PSG3: variants seen among roughly 807,000 people sequenced by gnomAD.
PSG3 encodes pregnancy-specific beta-1-glycoprotein 3.
PSG3 carries 61 observed loss-of-function variants against 47.5 expected under a neutral mutation model. The ratio of observed to expected loss-of-function variants is 1.28; its 90% CI spans 1.05 to 1.59. The LOEUF is 1.59. Among genes scored for constraint, PSG3 ranks in the 40% most tolerant of loss-of-function variants. PSG3 has a pLI of 0.00. For missense variants in PSG3, 756 were observed against 524.0 expected, an observed-to-expected ratio of 1.44 and a Z score of -4.32; for synonymous variants, 263 against 198.4, an observed-to-expected ratio of 1.33 and a Z score of -2.74.
In PSG3 at chr19:42,721,837, G is replaced by T. The variant is rs1208935977; in HGVS notation, c.*294C>A. ...CAAAGAATCAGCACATTTTCAAATA[G>T]AAAATTATGAAAACATTGTTTTGAC... On this transcript the variant is annotated 3_prime_UTR_variant, in exon 7 of 7. Coordinates refer to ENST00000327495, the MANE Select transcript of PSG3 (RefSeq NM_021016.4). 3 of 412,242 alleles carry T rather than the reference G, an allele frequency of 7.3e-6. No individual in the cohort carries two copies. Among genetic ancestry groups the T allele is most frequent in the South Asian group, 1.4e-4 (1 of 7,252 alleles). The allele number at this position is 412,242 out of a possible 1,614,324, so 25.5% of individuals were successfully genotyped here. A position where few individuals can be genotyped will look rare whatever the true frequency, so the allele number is the denominator to read the frequency against.
Position 42,729,216 on chromosome 19 carries a change from T to C in PSG3, c.1150A>G (p.Ile384Val), listed in dbSNP as rs1363926114. ...TAGAGCCCGCTATGCTTTGTAGTAA[T>C]CTGGGGGATAAAGAGCTTTTGTCCT... ...LSGQKLFIPQ[I>V]TTKHSGLYAC... The change falls in exon 5 of 7, where the codon ATT becomes GTT. Residue 384 changes from isoleucine (I) to valine (V), a missense_variant. Physicochemically the swap from Ile to Val is conservative, Grantham distance 29. Coordinates refer to ENST00000327495, the MANE Select transcript of PSG3 (RefSeq NM_021016.4). 1.9e-6 allele frequency: 3 copies of C among 1,613,974 alleles called. No individual in the cohort carries two copies. The highest frequency in any genetic ancestry group is 3.3e-5 in the Admixed American group (2 of 60,024).
At chr19:42,722,922 T>C (rs1190224782) in intron 6 of PSG3, among the ~76,000 whole-genome samples, 1 of 152,246 alleles carries the variant, frequency 6.6e-6, no homozygotes, top group Admixed American at 6.5e-5. Flanking sequence ...TCCAGACCTT[T>C]AAACTGGAAC....
At chr19:42,728,293 T>C (rs1969407883) in intron 5 of PSG3, among the ~76,000 whole-genome samples, 1 of 152,230 alleles carries the variant, frequency 6.6e-6, no homozygotes, top group South Asian at 2.1e-4. Flanking sequence ...TTACCCTCTC[T>C]ATAATTACAC....
rs770025481 is a variant in PSG3 at position 42,730,025 on chromosome 19, G to T, written c.741C>A (p.Asn247Lys). 5 of 1,612,488 alleles carry T rather than the reference G, an allele frequency of 3.1e-6. No homozygotes were observed. Among genetic ancestry groups the T allele is most frequent in the Non-Finnish European group, 4.2e-6 (5 of 1,179,856 alleles). Residue 247 changes from asparagine to lysine, a missense_variant, in exon 4 of 7, where the codon AAC (asparagine) becomes AAA (lysine). Asn to Lys is a moderately conservative substitution (Grantham distance 94). Transcript: ENST00000327495. ...CCTTATTCTCCCTGGGGTTTAAGTT[G>T]TTGATGGTGATGTAGGGCTTGGGCA... The part of the protein sequence containing the change: ...PKLPKPYITI[N>K]NLNPRENKDV...
At chr19:42,735,343 CA>C (rs1377886090) in intron 2 of PSG3, among the ~76,000 whole-genome samples, 3 of 152,030 alleles carry the variant, frequency 2.0e-5, no homozygotes, top group African/African-American at 7.3e-5. Flanking sequence ...CAGTAAGTAT[CA>C]AAAGCATTCT....
At chr19:42,729,633 T>C in intron 4 of PSG3, 145 bp downstream of exon 4, 3 of 1,523,804 alleles carry the variant, frequency 2.0e-6, no homozygotes, top group Non-Finnish European at 8.8e-7. Context: ...ACCCAGATCT[T>C]CCCAGGGCAG....
At chr19:42,725,874 C>A (rs1283409592) in intron 5 of PSG3, among the ~76,000 whole-genome samples, 2 of 109,358 alleles carry the variant, frequency 1.8e-5, no homozygotes, top group Non-Finnish European at 3.3e-5. Flanking sequence ...GTCTCTCTCT[C>A]TTCAACAACA....
At chr19:42,727,216 T>C (rs1349111994) in intron 5 of PSG3, among the ~76,000 whole-genome samples, 2 of 152,212 alleles carry the variant, frequency 1.3e-5, no homozygotes, top group Non-Finnish European at 2.9e-5. Flanking sequence ...AATGATTTCC[T>C]GGTTGTAACA....
At chr19:42,724,484 C>G (rs529883376) in intron 5 of PSG3, among the ~76,000 whole-genome samples, 1 of 152,316 alleles carries the variant, frequency 6.6e-6, no homozygotes, top group African/African-American at 2.4e-5. Context: ...TTCTTTCCTA[C>G]AGGCTCCCAG....
intron 1 of PSG3, among the ~76,000 whole-genome samples, chr19:42,739,695 GT>G (rs201786025): frequency 0.031 from 4,729 of 152,048 alleles, 242 homozygotes; most frequent in African/African-American, 0.11. Context: ...AGTTGTTGAG[GT>G]TTTTTTGCTG....
chr19:42,734,534 T>C (rs551694451), intron 2 of PSG3, among the ~76,000 whole-genome samples: 1 of 152,330 alleles, frequency 6.6e-6, no homozygotes, highest in East Asian at 1.9e-4. Flanking sequence ...GGAGGAAACA[T>C]TGAAATGTTT....
At chr19:42,736,453 C>T (rs1206263815) in intron 2 of PSG3, among the ~76,000 whole-genome samples, 3 of 152,158 alleles carry the variant, frequency 2.0e-5, no homozygotes, top group African/African-American at 7.2e-5. Context: ...CAGCAGTACT[C>T]ATTTTTTAGT....
intron 4 of PSG3, 89 bp downstream of exon 4, chr19:42,729,689 T>A (rs922585105): frequency 1.2e-4 from 193 of 1,572,558 alleles, no homozygotes; most frequent in Non-Finnish European, 1.5e-4. Flanking sequence ...GTATCTATAC[T>A]TGGACCAGAG....
At chr19:42,722,411 C>T (rs780247215) in intron 6 of PSG3, among the ~76,000 whole-genome samples, 8 of 152,078 alleles carry the variant, frequency 5.3e-5, no homozygotes, top group East Asian at 1.9e-4. Flanking sequence ...CCACCAAGCC[C>T]GGCTAATTTT....
At chr19:42,739,179 T>C (rs1969623273) in intron 1 of PSG3, 90 bp from the exon 2 acceptor site, 8 of 1,458,178 alleles carry the variant, frequency 5.5e-6, no homozygotes, top group Non-Finnish European at 7.4e-6. Flanking sequence ...GTCTCTTCAA[T>C]CCTCAGCTTT....
rs773305401 is a variant in PSG3, at chr19:42,738,782, G to A, written c.372C>T (p.Ile124=). 1.2e-5 allele frequency: 20 copies of A among 1,614,064 alleles called. No homozygotes were observed. The highest frequency in any genetic ancestry group is 6.7e-5 in the Admixed American group (4 of 60,014). ...REDAGSYTLH[I]VKRGDGTRGE... ...CTCTAGTCCCATCACCTCGCTTTAC[G>A]ATGTGTAAGGTGTAGGATCCTGCGT... The change falls in exon 2 of 7, where the codon ATC becomes ATT. Residue 124 remains isoleucine (I), a synonymous_variant. Coordinates refer to ENST00000327495, the MANE Select transcript of PSG3 (RefSeq NM_021016.4).
chr19:42,729,028 C>A (rs1600381879), intron 5 of PSG3, 95 bp downstream of exon 5: 4 of 1,602,670 alleles, frequency 2.5e-6, no homozygotes, highest in Non-Finnish European at 3.4e-6. Flanking sequence ...CCATGGGACA[C>A]AGGCTGGGAA....
At position 42,732,580 on chromosome 19, in the gene PSG3, C is replaced by G. The variant is rs1969489998; in HGVS notation, c.709+204G>C. On this transcript the variant is annotated intron_variant, in intron 3 of 6. Transcript: ENST00000327495. ...CACAAGCTGTGGACGCTGAGTCTCC[C>G]ATGACAGGAGCAGCCTCTTTTCTCC... The G allele has an allele frequency of 8.7e-6, 11 of 1,259,866 alleles. No individual in the cohort carries two copies. The Admixed American group carries it at 2.5e-4, about 28-fold the overall frequency. The allele number at this position is 1,259,866 out of a possible 1,614,324, so 78.0% of individuals were successfully genotyped here.
At chr19:42,730,123 A>G (rs1169202644) in intron 3 of PSG3, 67 bp from the exon 4 acceptor site, 2 of 1,594,594 alleles carry the variant, frequency 1.3e-6, no homozygotes, top group Non-Finnish European at 1.7e-6. Flanking sequence ...GCATCCTTCA[A>G]TCAGAGTTGG....
Sources: allele counts gnomAD v4.1 joint callset (sites outside exome capture counted in the v4.1 genomes callset), GRCh38; gene constraint gnomAD v4.1.1; transcripts MANE v1.5; gene names NCBI Gene and HGNC (gene_info 2026-07-23, HGNC 2026-07-21).